WNK3: variants seen among roughly 807,000 people sequenced by gnomAD.
WNK3 encodes serine/threonine-protein kinase WNK3.
WNK3 carries 18 observed loss-of-function variants against 116.7 expected under a neutral mutation model. The observed-to-expected ratio is 0.15, with a 90% confidence interval of 0.11 to 0.23. The LOEUF (loss-of-function observed/expected upper bound fraction) is 0.23. WNK3 is among the 10% of genes least tolerant of loss of function. WNK3 has a pLI of 1.00. For synonymous variants in WNK3, 404 were observed against 469.4 expected (o/e 0.86, Z 1.80); for missense variants, 993 against 1,323.8 (o/e 0.75, Z 3.88).
intron 10 of WNK3, among the ~76,000 whole-genome samples, chrX:54,291,376 C>A (rs1557165045): frequency 2.7e-5 from 3 of 112,050 alleles, no homozygotes; most frequent in Non-Finnish European, 5.6e-5. Flanking sequence ...TTGTCTCTAG[C>A]TGGAGAAATA....
chrX:54,198,327 T>C (rs2067465386), exon 24 of WNK3: 2 of 1,181,647 alleles, frequency 1.7e-6, no homozygotes, highest in Non-Finnish European at 2.3e-6. Flanking sequence ...CTCTGATTCA[T>C]TTAGGACCAG....
chrX:54,329,339 T>C (rs190216549), intron 2 of WNK3, among the ~76,000 whole-genome samples: 2 of 111,881 alleles, frequency 1.8e-5, no homozygotes, highest in Admixed American at 9.6e-5. Flanking sequence ...AGGTGAATGA[T>C]AGAAGTCAGT....
At chrX:54,257,231 T>G (rs1557155682) in intron 11 of WNK3, among the ~76,000 whole-genome samples, 1 of 110,058 alleles carries the variant, frequency 9.1e-6, no homozygotes, top group African/African-American at 3.3e-5. Flanking sequence ...GAAGAGGACT[T>G]AAGTAGGCCC....
At chrX:54,219,833 A>C (rs1318928798) in intron 22 of WNK3, among the ~76,000 whole-genome samples, 2 of 111,382 alleles carry the variant, frequency 1.8e-5, no homozygotes, top group African/African-American at 6.5e-5. Context: ...CTATAGGTGA[A>C]TTTTAATCTA....
chrX:54,196,154 T>C (rs1388009472), exon 24 of WNK3: 2 of 111,458 alleles, frequency 1.8e-5, no homozygotes, highest in Admixed American at 1.9e-4. Context: ...TGGAAAACAG[T>C]GCAATGCAAG....
chrX:54,300,280 G>A (rs992738004), intron 6 of WNK3, among the ~76,000 whole-genome samples: 1 of 110,964 alleles, frequency 9.0e-6, no homozygotes, highest in African/African-American at 3.3e-5. Context: ...AGCCTCCCCA[G>A]GGGCTGGGAC....
Position 54,275,412 on chromosome X carries a change from CATATGT to C in WNK3, c.2038-16080_2038-16075del, listed in dbSNP as rs1250402159. ...TGTCGGTATCTGTAGGGTATAAGTT[CATATGT>C]GTGTGTGTGTGTGTGTGTGTGTGTG... On this transcript the variant is annotated intron_variant, in intron 10 of 23. Transcript: ENST00000354646. Among the ~76,000 whole-genome samples the C allele has an allele frequency of 2.5e-3, 109 of 44,439 alleles. 2 individuals are homozygous for C. Among genetic ancestry groups the C allele is most frequent in the African/African-American group, 9.7e-3 (107 of 10,997 alleles). 38.6% of individuals were successfully genotyped at this position (44,439 alleles called of 115,157 possible).
chrX:54,228,706 A>G lies in WNK3; in HGVS notation c.4870+8T>C. ...AATTAAAAGTAAAGAAGCAAAAGAA[A>G]TACTTACTTTCCAACTCATTTATAA... is the stretch of plus-strand genomic sequence containing the variant. On this transcript the variant is annotated splice_region_variant and intron_variant, in intron 22 of 23. Coordinates refer to ENST00000354646, the Ensembl canonical transcript of WNK3. 2 of 485,746 alleles carry G rather than the reference A, an allele frequency of 4.1e-6. No individual in the cohort carries two copies. Among genetic ancestry groups the G allele is most frequent in the South Asian group, 6.3e-5 (2 of 31,954 alleles). 40.0% of individuals were successfully genotyped at this position (485,746 alleles called of 1,213,427 possible). A position where few individuals can be genotyped will look rare whatever the true frequency, so the allele number is the denominator to read the frequency against.
chrX:54,233,851 C>T (rs941918208), intron 20 of WNK3, among the ~76,000 whole-genome samples: 112 of 105,458 alleles, frequency 1.1e-3, no homozygotes, highest in Non-Finnish European at 1.0e-3. Flanking sequence ...TATGATGGCA[C>T]GTGCCTGTAG....
chrX:54,217,512 C>T (rs1357013979), intron 22 of WNK3, among the ~76,000 whole-genome samples: 2 of 108,610 alleles, frequency 1.8e-5, no homozygotes, highest in Non-Finnish European at 3.8e-5. Flanking sequence ...GTCCCAGCTA[C>T]TCATAAGGCT....
chrX:54,209,514 G>C (rs2067589879), intron 22 of WNK3, among the ~76,000 whole-genome samples: 1 of 106,882 alleles, frequency 9.4e-6, no homozygotes, highest in Admixed American at 1.0e-4. Flanking sequence ...ATAATTGTGG[G>C]CAGGGAAGGA....
chrX:54,232,616 C>T (rs1385467169), intron 21 of WNK3, among the ~76,000 whole-genome samples, 193 bp downstream of exon 21: 2 of 112,116 alleles, frequency 1.8e-5, no homozygotes, highest in African/African-American at 6.5e-5. Flanking sequence ...CTTCTCTTTA[C>T]AATCTATCAA....
chrX:54,357,818 C>G (rs782768605), exon 1 of WNK3: 1 of 113,322 alleles, frequency 8.8e-6, no homozygotes, highest in African/African-American at 3.2e-5. Context: ...GCCTCCTCCT[C>G]GATCGCCTCC....
chrX:54,302,260 C>T (rs2068765329), intron 5 of WNK3, among the ~76,000 whole-genome samples: 1 of 111,598 alleles, frequency 9.0e-6, no homozygotes, highest in African/African-American at 3.3e-5. Context: ...AATCTACATA[C>T]AGTATAATCC....
chrX:54,256,396 G>A (rs1460060471), intron 11 of WNK3, among the ~76,000 whole-genome samples: 4 of 111,959 alleles, frequency 3.6e-5, no homozygotes, highest in African/African-American at 1.3e-4. Flanking sequence ...GTGTTCTGCA[G>A]GAGGCAGAAC....
At chrX:54,302,759 T>C (rs2982681) in intron 5 of WNK3, among the ~76,000 whole-genome samples, 8 of 12,646 alleles carry the variant, frequency 6.3e-4, no homozygotes, top group African/African-American at 1.9e-3. Flanking sequence ...ATATATATAT[T>C]TTTTTTTTTT....
chrX:54,309,843 T>C lies in WNK3; in HGVS notation c.711-528A>G, dbSNP rs782713224. ...CACCACACTTAGCCAAGTGTAGCAT[T>C]TTTAATTCAAACTAAAAATCATTCC... On this transcript the variant is annotated intron_variant, in intron 3 of 23. Transcript: ENST00000354646. 6.3e-5 allele frequency among the ~76,000 whole-genome samples: 7 copies of C among 111,812 alleles called. No individual in the cohort carries two copies. The South Asian group carries it at 2.6e-3, about 41-fold the overall frequency.
chrX:54,241,299 C>T (rs1355447401), intron 17 of WNK3, among the ~76,000 whole-genome samples: 2 of 111,677 alleles, frequency 1.8e-5, no homozygotes, highest in African/African-American at 6.5e-5. Context: ...AGGAAAGTTA[C>T]GGTAATTACA....
intron 10 of WNK3, among the ~76,000 whole-genome samples, chrX:54,288,810 C>T (rs782227998): frequency 9.0e-6 from 1 of 111,555 alleles, no homozygotes; most frequent in Non-Finnish European, 1.9e-5. Flanking sequence ...TGAAGAAGAA[C>T]TACCTTGGGG....
Sources: gnomAD v4.1 joint callset for allele counts (sites outside exome capture counted in the v4.1 genomes callset) on GRCh38, gnomAD v4.1.1 for gene constraint, MANE v1.5 for transcripts, NCBI Gene and HGNC (gene_info 2026-07-23, HGNC 2026-07-21) for gene names.